EHMT1: variants seen among roughly 807,000 people sequenced by gnomAD.
EHMT1 encodes the protein euchromatic histone lysine methyltransferase 1.
Under a neutral mutation model 147.2 loss-of-function variants are expected in EHMT1, and 15 were observed. The ratio of observed to expected loss-of-function variants is 0.10; its 90% CI spans 0.07 to 0.16. EHMT1 has a LOEUF of 0.16. EHMT1 is among the 10% of genes least tolerant of loss of function. The pLI is 1.00. For synonymous variants in EHMT1, 795 were observed against 709.6 expected, an observed-to-expected ratio of 1.12 and a Z score of -1.91; for missense variants, 1,587 against 1,772.4, an observed-to-expected ratio of 0.90 and a Z score of 1.88.
At chr9:137,667,362 A>C (rs2134175854) in intron 1 of EHMT1, 1 of 152,290 alleles carries the variant, frequency 6.6e-6, no homozygotes, top group African/African-American at 2.4e-5. Context: ...TGGAGTTGAA[A>C]ATGTTGTACT....
Position 137,649,458 on chromosome 9 carries a change from TCAAACAAACAAACAAACAAA to T in EHMT1, c.21+30422_21+30441del, listed in dbSNP as rs113684662. Among the ~76,000 whole-genome samples, 11 of 150,100 alleles carry T rather than the reference TCAAACAAACAAACAAACAAA, an allele frequency of 7.3e-5. No homozygotes were observed. In the East Asian group the frequency reaches 1.8e-3, roughly 24 times the overall value. On this transcript the variant is annotated intron_variant, in intron 1 of 26. Transcript: ENST00000460843. ...CTGGGCAACAGAGCGAGACTCCGAC[TCAAACAAACAAACAAACAAA>T]CAAACAAACAAAAATGTCCTCCCAA...
chr9:137,761,463 G>GT (rs959806665), intron 9 of EHMT1, among the ~76,000 whole-genome samples: 24 of 151,336 alleles, frequency 1.6e-4, no homozygotes, highest in African/African-American at 2.4e-4. Flanking sequence ...AAGAGTTAAT[G>GT]TTTTTTTTTG....
At chr9:137,679,343 CAG>C (rs1564577532) in intron 1 of EHMT1, among the ~76,000 whole-genome samples, 1 of 152,106 alleles carries the variant, frequency 6.6e-6, no homozygotes, top group African/African-American at 2.4e-5. Flanking sequence ...AACCACGGAT[CAG>C]GGGACTGCTG....
rs886042261 is a variant in EHMT1 at position 137,834,377 on chromosome 9, G to A, written c.3569G>A (p.Arg1190Gln). 4 of 1,613,182 alleles carry A rather than the reference G, an allele frequency of 2.5e-6. No individual in the cohort carries two copies. Among genetic ancestry groups the A allele is most frequent in the South Asian group, 1.1e-5 (1 of 91,082 alleles). The change falls in exon 26 of 27, where the codon CGG becomes CAG. Residue 1190 changes from arginine (R) to glutamine (Q), a missense_variant. By Grantham distance (43) the Arg-to-Gln change is conservative. Coordinates refer to ENST00000460843, the MANE Select transcript of EHMT1 (RefSeq NM_024757.5). ...GGGGAGGTTTACTGCATCGACGCGC[G>A]GTTCTACGGGAACGTCAGCCGGTTC... The part of the protein sequence containing the change: ...KDGEVYCIDA[R>Q]FYGNVSRFIN...
chr9:137,738,480 G>A (rs1040016015), intron 4 of EHMT1: 3 of 152,206 alleles, frequency 2.0e-5, no homozygotes, highest in Non-Finnish European at 4.4e-5. Flanking sequence ...TGCATCTGCT[G>A]TGAAAAACTC....
At chr9:137,824,982 C>T (rs906073917) in intron 25 of EHMT1, among the ~76,000 whole-genome samples, 4 of 152,202 alleles carry the variant, frequency 2.6e-5, no homozygotes, top group South Asian at 4.1e-4. Context: ...AATGCTTGTT[C>T]TCTTCCCGGC....
At chr9:137,737,862 A>T (rs928544509) in intron 4 of EHMT1, among the ~76,000 whole-genome samples, 1 of 152,232 alleles carries the variant, frequency 6.6e-6, no homozygotes, top group Non-Finnish European at 1.5e-5. Flanking sequence ...TACAAAAAAA[A>T]TCCCACAACT....
chr9:137,703,315 A>G (rs553141799), intron 1 of EHMT1, among the ~76,000 whole-genome samples: 29 of 151,936 alleles, frequency 1.9e-4, no homozygotes, highest in African/African-American at 6.5e-4. Flanking sequence ...GCTGGCTTGA[A>G]CCCCTTCCCT....
At chr9:137,656,443 T>C (rs1393034798) in intron 1 of EHMT1, among the ~76,000 whole-genome samples, 1 of 152,046 alleles carries the variant, frequency 6.6e-6, no homozygotes, top group Non-Finnish European at 1.5e-5. Flanking sequence ...AATGGGAGAT[T>C]TTGGGTTAGA....
chr9:137,713,956 T>TA (rs1002652038), intron 2 of EHMT1, among the ~76,000 whole-genome samples: 1 of 151,952 alleles, frequency 6.6e-6, no homozygotes, highest in African/African-American at 2.4e-5. Flanking sequence ...TCTCAAAAAA[T>TA]AAAAAAAGTT....
rs913753937 is a variant in EHMT1, at chr9:137,623,071, G to A, written c.21+4022G>A. On this transcript the variant is annotated intron_variant, in intron 1 of 26. Transcript: ENST00000460843. The stretch of plus-strand genomic sequence containing the variant: ...GCTAAAAATACAAGAAAATTAGCCG[G>A]GTGTGGTGGCGGCCGCCTGTAGTCC... 4.0e-5 allele frequency among the ~76,000 whole-genome samples: 6 copies of A among 151,884 alleles called. No individual in the cohort carries two copies. The East Asian group carries it at 7.8e-4, about 20-fold the overall frequency.
At chr9:137,676,693 G>C (rs1219105504) in intron 1 of EHMT1, among the ~76,000 whole-genome samples, 5 of 152,182 alleles carry the variant, frequency 3.3e-5, no homozygotes, top group African/African-American at 7.2e-5. Flanking sequence ...ACTGGAGTCC[G>C]CATGAGCAGT....
intron 14 of EHMT1, among the ~76,000 whole-genome samples, chr9:137,780,676 C>G (rs1241932657): frequency 8.8e-5 from 6 of 67,914 alleles, no homozygotes; most frequent in Non-Finnish European, 1.1e-4. Context: ...GGTGATGACG[C>G]CGAGACGTGT....
intron 1 of EHMT1, 22 bp downstream of exon 1, chr9:137,619,071 G>T: frequency 3.6e-6 from 3 of 837,302 alleles, no homozygotes; most frequent in South Asian, 5.2e-5. Flanking sequence ...GGCCGGCGGG[G>T]GGCGGCGCGG....
intron 8 of EHMT1, among the ~76,000 whole-genome samples, chr9:137,756,670 C>T (rs552415570): frequency 3.9e-5 from 6 of 152,298 alleles, no homozygotes; most frequent in African/African-American, 1.4e-4. Flanking sequence ...CCAACAAAAG[C>T]ATTTTAGAGC....
chr9:137,740,746 C>T (rs927890541), intron 4 of EHMT1, among the ~76,000 whole-genome samples: 1 of 152,236 alleles, frequency 6.6e-6, no homozygotes, highest in African/African-American at 2.4e-5. Context: ...GGCCCTTAGA[C>T]ACCATTCTTC....
intron 18 of EHMT1, among the ~76,000 whole-genome samples, chr9:137,806,165 T>G (rs905889254): frequency 6.6e-6 from 1 of 151,806 alleles, no homozygotes; most frequent in African/African-American, 2.4e-5. Flanking sequence ...TTCACCATGT[T>G]GGCTAGGCTG....
At chr9:137,650,679 T>TC (rs1937702814) in intron 1 of EHMT1, among the ~76,000 whole-genome samples, 1 of 150,120 alleles carries the variant, frequency 6.7e-6, no homozygotes, top group African/African-American at 2.5e-5. Flanking sequence ...TTTTTTTTTT[T>TC]TTTTTTTGAG....
intron 1 of EHMT1, among the ~76,000 whole-genome samples, chr9:137,672,373 A>AT (rs1940774687): frequency 6.6e-6 from 1 of 152,068 alleles, no homozygotes; most frequent in African/African-American, 2.4e-5. Flanking sequence ...GTTTATTGTT[A>AT]TTTGTACAGG....
Sources: allele counts gnomAD v4.1 joint callset (sites outside exome capture counted in the v4.1 genomes callset), GRCh38; gene constraint gnomAD v4.1.1; transcripts MANE v1.5; gene names NCBI Gene and HGNC (gene_info 2026-07-23, HGNC 2026-07-21).